PCDH15: variants seen among roughly 807,000 people sequenced by gnomAD.
PCDH15 encodes the protein protocadherin-15.
PCDH15 carries 129 observed loss-of-function variants against 178.5 expected under a neutral mutation model. That is an observed-to-expected ratio of 0.72 (90% CI 0.63 to 0.84). PCDH15 has a LOEUF of 0.84. Among genes scored for constraint, PCDH15 ranks in the 40% least tolerant of loss-of-function variants. PCDH15 has a pLI of 0.00. For missense variants in PCDH15, 2,230 were observed against 2,099.9 expected (o/e 1.06, Z -1.21); for synonymous variants, 800 against 732.0 (o/e 1.09, Z -1.50).
At chr10:55,377,292 C>G (rs1037730063) in intron 2 of PCDH15, among the ~76,000 whole-genome samples, 3 of 151,746 alleles carry the variant, frequency 2.0e-5, no homozygotes, top group African/African-American at 7.3e-5. Flanking sequence ...TGCTATATGT[C>G]ATAAGAAAAT....
intron 2 of PCDH15, among the ~76,000 whole-genome samples, chr10:55,572,219 C>T (rs1842419020): frequency 6.6e-6 from 1 of 151,444 alleles, no homozygotes; most frequent in Admixed American, 6.6e-5. Flanking sequence ...ACAGGTACCC[C>T]AGAATTATTT....
chr10:54,173,510 G>C (rs531422474), intron 13 of PCDH15, among the ~76,000 whole-genome samples: 30 of 152,148 alleles, frequency 2.0e-4, no homozygotes, highest in Admixed American at 1.2e-3. Flanking sequence ...TATAACTGTA[G>C]TTTAAAATAT....
chr10:54,710,823 G>A (rs11004459), intron 1 of PCDH15, among the ~76,000 whole-genome samples: 18,487 of 151,768 alleles, frequency 0.12, 1,259 homozygotes, highest in African/African-American at 0.17. Context: ...AGGTTTCTGG[G>A]TCTACCACCT....
At chr10:54,024,431 C>T (rs555712169) in intron 18 of PCDH15, among the ~76,000 whole-genome samples, 2 of 152,280 alleles carry the variant, frequency 1.3e-5, no homozygotes, top group South Asian at 4.1e-4. Flanking sequence ...TGTATTTTAA[C>T]AGCACATATG....
intron 8 of PCDH15, among the ~76,000 whole-genome samples, chr10:54,275,085 A>C (rs539085595): frequency 5.7e-4 from 87 of 152,138 alleles, no homozygotes; most frequent in South Asian, 3.1e-3. Flanking sequence ...CATAAAGATT[A>C]TAAGAGAAAG....
chr10:55,319,095 G>T (rs952737383), intron 1 of PCDH15, among the ~76,000 whole-genome samples: 2 of 151,832 alleles, frequency 1.3e-5, no homozygotes, highest in African/African-American at 4.8e-5. Flanking sequence ...TTCCCCTATG[G>T]AGTAGTACAA....
intron 2 of PCDH15, among the ~76,000 whole-genome samples, chr10:55,556,122 T>C (rs1263674597): frequency 6.6e-6 from 1 of 152,188 alleles, no homozygotes; most frequent in Admixed American, 6.6e-5. Context: ...TTAATTTTTA[T>C]TTGTTGTTTA....
chr10:54,926,243 T>C (rs1276685937), intron 2 of PCDH15, among the ~76,000 whole-genome samples: 1 of 152,150 alleles, frequency 6.6e-6, no homozygotes, highest in Non-Finnish European at 1.5e-5. Context: ...ATGTAATGAC[T>C]TACATGTATT....
At chr10:55,105,585 G>A (rs560611032) in intron 2 of PCDH15, among the ~76,000 whole-genome samples, 5 of 152,156 alleles carry the variant, frequency 3.3e-5, no homozygotes, top group African/African-American at 1.2e-4. Context: ...TATTCATCCT[G>A]TGGTTTTCCA....
chr10:55,308,735 C>T (rs1843495773), intron 1 of PCDH15, among the ~76,000 whole-genome samples: 1 of 152,096 alleles, frequency 6.6e-6, no homozygotes, highest in African/African-American at 2.4e-5. Context: ...TCCAGAAGAC[C>T]AAGCTATAAT....
chr10:55,181,683 G>C (rs1839651897), intron 1 of PCDH15, among the ~76,000 whole-genome samples: 1 of 151,934 alleles, frequency 6.6e-6, no homozygotes, highest in Non-Finnish European at 1.5e-5. Flanking sequence ...AAATCATTTT[G>C]TGTATAAATG....
At chr10:54,575,626 C>G (rs1216022728) in intron 2 of PCDH15, among the ~76,000 whole-genome samples, 1 of 151,886 alleles carries the variant, frequency 6.6e-6, no homozygotes. Flanking sequence ...ATGTCTTGTT[C>G]TACTGGGCTT....
At chr10:53,860,688 G>C (rs953237843) in intron 27 of PCDH15, among the ~76,000 whole-genome samples, 2 of 135,664 alleles carry the variant, frequency 1.5e-5, no homozygotes, top group African/African-American at 5.7e-5. Context: ...TCAATATCAC[G>C]CCACTGCACT....
chr10:55,026,245 T>C (rs1030343354), intron 2 of PCDH15, among the ~76,000 whole-genome samples: 36 of 151,912 alleles, frequency 2.4e-4, no homozygotes, highest in African/African-American at 8.7e-4. Context: ...ACTGTTAACA[T>C]AGATAATAAT....
At chr10:55,417,099 C>A (rs902321640) in intron 2 of PCDH15, among the ~76,000 whole-genome samples, 1 of 151,766 alleles carries the variant, frequency 6.6e-6, no homozygotes, top group Non-Finnish European at 1.5e-5. Context: ...ATTTAAAAAA[C>A]TGTATTTGTG....
chr10:55,440,496 A>G (rs1375017171), intron 2 of PCDH15, among the ~76,000 whole-genome samples: 1 of 152,198 alleles, frequency 6.6e-6, no homozygotes, highest in Non-Finnish European at 1.5e-5. Context: ...CATAAGCAAA[A>G]TGGTATGTTT....
In PCDH15 at chr10:54,717,564, T is replaced by C. The variant is rs1261598601; in HGVS notation, c.-28-53274A>G. 1.6e-4 allele frequency among the ~76,000 whole-genome samples: 23 copies of C among 141,122 alleles called. 2 individuals carry two copies. Among genetic ancestry groups the C allele is most frequent in the East Asian group, 6.1e-4 (3 of 4,928 alleles). The allele number at this position is 141,122 out of a possible 152,430, so 92.6% of individuals were successfully genotyped here. A position where few individuals can be genotyped will look rare whatever the true frequency, so the allele number is the denominator to read the frequency against. On this transcript the variant is annotated intron_variant, in intron 1 of 37. Coordinates refer to ENST00000644397, the MANE Select transcript of PCDH15 (RefSeq NM_001384140.1). ...TGCAAATCAAAACCACAATGAGATA[T>C]CATCTCACACCAGTTAGAATGGCAA...
chr10:54,899,176 G>C (rs1381435080), intron 2 of PCDH15, among the ~76,000 whole-genome samples: 2 of 152,136 alleles, frequency 1.3e-5, no homozygotes, highest in Non-Finnish European at 2.9e-5. Context: ...GTGGAAATTA[G>C]ATGAATATAA....
intron 1 of PCDH15, among the ~76,000 whole-genome samples, chr10:54,778,237 G>A (rs931779294): frequency 6.6e-6 from 1 of 152,122 alleles, no homozygotes; most frequent in Non-Finnish European, 1.5e-5. Context: ...GTCTCAGTGT[G>A]GATTACTGAT....
Sources: gnomAD v4.1 joint callset for allele counts (sites outside exome capture counted in the v4.1 genomes callset) on GRCh38, gnomAD v4.1.1 for gene constraint, MANE v1.5 for transcripts, NCBI Gene and HGNC (gene_info 2026-07-23, HGNC 2026-07-21) for gene names.